TRHDE: variants seen among roughly 807,000 people sequenced by gnomAD.
TRHDE encodes the protein thyrotropin releasing hormone degrading enzyme, also known as thyrotropin-releasing hormone-degrading ectoenzyme.
Under a neutral mutation model 125.7 loss-of-function variants are expected in TRHDE, and 72 were observed. The observed-to-expected ratio is 0.57, with a 90% CI of 0.47 to 0.70. The LOEUF (loss-of-function observed/expected upper bound fraction) is 0.70, where lower values mean the gene tolerates loss of function less well. Ranked by LOEUF, TRHDE falls within the 30% of genes least tolerant of loss-of-function variation. The pLI is 0.00. For synonymous variants in TRHDE, 509 were observed against 509.1 expected, an observed-to-expected ratio of 1.00 and a Z score of 0.00; for missense variants, 1,110 against 1,327.1, an observed-to-expected ratio of 0.84 and a Z score of 2.54.
intron 2 of TRHDE, among the ~76,000 whole-genome samples, chr12:72,228,961 T>C (rs905330281): frequency 1.3e-5 from 2 of 152,200 alleles, no homozygotes; most frequent in Admixed American, 6.5e-5. Flanking sequence ...TCCATATCAC[T>C]ATCAGCATTT....
chr12:72,146,123 G>T (rs906361887), intron 2 of TRHDE, among the ~76,000 whole-genome samples: 4 of 152,208 alleles, frequency 2.6e-5, no homozygotes, highest in Admixed American at 6.5e-5. Context: ...ATTTAGGAGT[G>T]ATCTCCTTGA....
chr12:72,131,132 C>G (rs574400483), intron 2 of TRHDE, among the ~76,000 whole-genome samples: 19 of 135,722 alleles, frequency 1.4e-4, no homozygotes, highest in Non-Finnish European at 2.9e-4. Context: ...AGTGCAGTGG[C>G]GCGATTTCGA....
intron 6 of TRHDE, among the ~76,000 whole-genome samples, chr12:72,503,837 A>G (rs1316758569): frequency 1.3e-5 from 2 of 152,116 alleles, no homozygotes; most frequent in Admixed American, 6.6e-5. Context: ...CTGTTTCCCC[A>G]AAGGGCTATG....
At chr12:72,541,850 T>G (rs1016320851) in intron 6 of TRHDE, among the ~76,000 whole-genome samples, 2 of 151,400 alleles carry the variant, frequency 1.3e-5, no homozygotes, top group African/African-American at 2.4e-5. Context: ...CAACTAAACT[T>G]TTCTTGGTTA....
In TRHDE at chr12:72,485,341, C is replaced by T. The variant is rs189105504; in HGVS notation, c.1584+12161C>T. On this transcript the variant is annotated intron_variant, in intron 5 of 18. Transcript: ENST00000261180. ...CTTTGCTGCCCCTGCAATATGCCCACCTGGTAGCATGCCATTCCTGAGCTG... is the reference window on the plus strand; with the variant it reads ...CTTTGCTGCCCCTGCAATATGCCCATCTGGTAGCATGCCATTCCTGAGCTG... 1.3e-3 allele frequency among the ~76,000 whole-genome samples: 194 copies of T among 152,280 alleles called. 1 individual carries two copies. The highest frequency in any genetic ancestry group is 4.4e-3 in the African/African-American group (182 of 41,558).
chr12:72,415,616 C>T (rs1326927287), intron 3 of TRHDE, among the ~76,000 whole-genome samples: 1 of 151,490 alleles, frequency 6.6e-6, no homozygotes, highest in Non-Finnish European at 1.5e-5. Flanking sequence ...TTTTTGGCTC[C>T]CACATATGAG....
intron 2 of TRHDE, among the ~76,000 whole-genome samples, chr12:72,181,501 A>G (rs1877096079): frequency 1.3e-5 from 2 of 152,228 alleles, no homozygotes; most frequent in East Asian, 3.8e-4. Flanking sequence ...CAAAGTTGCA[A>G]GCAACAATAA....
At chr12:72,660,001 C>T (rs145460299) in intron 18 of TRHDE, among the ~76,000 whole-genome samples, 12 of 151,656 alleles carry the variant, frequency 7.9e-5, no homozygotes, top group African/African-American at 2.7e-4. Context: ...CCCCAAATGG[C>T]TGGGCGTGCT....
At chr12:72,517,555 C>T (rs1878941684) in intron 6 of TRHDE, among the ~76,000 whole-genome samples, 1 of 152,042 alleles carries the variant, frequency 6.6e-6, no homozygotes, top group South Asian at 2.1e-4. Flanking sequence ...ATTAGTCTTG[C>T]TAGCGGTCTA....
chr12:72,097,868 G>A (rs1041856003), intron 1 of TRHDE, among the ~76,000 whole-genome samples: 1 of 152,046 alleles, frequency 6.6e-6, no homozygotes, highest in Non-Finnish European at 1.5e-5. Flanking sequence ...AGGGGTTTTA[G>A]GCCTGTTACC....
intron 15 of TRHDE, among the ~76,000 whole-genome samples, chr12:72,622,441 G>A (rs1468643465): frequency 1.3e-5 from 2 of 151,952 alleles, no homozygotes; most frequent in Non-Finnish European, 2.9e-5. Context: ...ATATTTTCAA[G>A]GGTATTAATG....
intron 2 of TRHDE, among the ~76,000 whole-genome samples, chr12:72,243,446 C>T (rs908542296): frequency 1.2e-4 from 18 of 151,942 alleles, no homozygotes; most frequent in African/African-American, 4.3e-4. Context: ...CTGCAAAGTG[C>T]AAAATATATA....
chr12:72,660,293 G>A (rs1363045171), intron 18 of TRHDE, among the ~76,000 whole-genome samples: 4 of 152,222 alleles, frequency 2.6e-5, no homozygotes, highest in Admixed American at 6.5e-5. Context: ...CAAGGAACAT[G>A]AGCATTGAAG....
intron 3 of TRHDE, among the ~76,000 whole-genome samples, chr12:72,423,155 A>ATG (rs1415536676): frequency 2.6e-5 from 4 of 152,166 alleles, no homozygotes; most frequent in African/African-American, 9.7e-5. Flanking sequence ...AATGTACATG[A>ATG]TCCCTGACTT....
chr12:72,246,145 C>T (rs1180233688), intron 2 of TRHDE, among the ~76,000 whole-genome samples: 1 of 152,088 alleles, frequency 6.6e-6, no homozygotes, highest in Admixed American at 6.6e-5. Flanking sequence ...TCAATGACTA[C>T]ACATTTTCAC....
chr12:72,156,387 A>G (rs889355496), intron 2 of TRHDE, among the ~76,000 whole-genome samples: 1 of 152,142 alleles, frequency 6.6e-6, no homozygotes, highest in Non-Finnish European at 1.5e-5. Context: ...TGCTCGGTGC[A>G]CTGCACCCAC....
chr12:72,384,684 A>G (rs1383754563), intron 3 of TRHDE, among the ~76,000 whole-genome samples: 2 of 152,124 alleles, frequency 1.3e-5, no homozygotes, highest in Admixed American at 1.3e-4. Context: ...ACATTTTTCT[A>G]TAATAGAATA....
chr12:72,109,019 A>G (rs531152277), intron 2 of TRHDE, among the ~76,000 whole-genome samples: 1 of 152,234 alleles, frequency 6.6e-6, no homozygotes, highest in Non-Finnish European at 1.5e-5. Flanking sequence ...AGAGAGGTCC[A>G]TAGGTCCCCA....
intron 2 of TRHDE, among the ~76,000 whole-genome samples, chr12:72,165,223 A>C (rs1032264509): frequency 6.6e-6 from 1 of 152,120 alleles, no homozygotes; most frequent in Non-Finnish European, 1.5e-5. Flanking sequence ...ACACCAAGGG[A>C]CTTCTGGAAT....
Sources: allele counts gnomAD v4.1 joint callset (sites outside exome capture counted in the v4.1 genomes callset), GRCh38; gene constraint gnomAD v4.1.1; transcripts MANE v1.5; gene names NCBI Gene and HGNC (gene_info 2026-07-23, HGNC 2026-07-21).